Variants in CIMIP2C observed in about 807,000 individuals in gnomAD.
The protein encoded by CIMIP2C is ciliary microtubule inner protein 2C.
the CIMIP2C span, among the ~76,000 whole-genome samples, chr2:26,567,248 T>C: frequency 3.3e-5 from 5 of 152,272 alleles, no homozygotes; most frequent in Admixed American, 6.5e-5. Context: ...GTGGAGATAA[T>C]TGAATCATGG....
the CIMIP2C span, chr2:26,562,593 G>T: frequency 6.4e-7 from 1 of 1,562,286 alleles, no homozygotes; most frequent in South Asian, 1.2e-5. Context: ...CGCCAGGCTC[G>T]CTGTACTCGC....
At chr2:26,570,136 G>T in the CIMIP2C span, among the ~76,000 whole-genome samples, 1 of 152,212 alleles carries the variant, frequency 6.6e-6, no homozygotes, top group Non-Finnish European at 1.5e-5. Flanking sequence ...CGGAGGAGAG[G>T]GCTTCTATTC....
At chr2:26,577,584 G>C in the CIMIP2C span, 68 of 1,614,098 alleles carry the variant, frequency 4.2e-5, 1 homozygote, top group African/African-American at 8.4e-4. Context: ...CCTACTTTGC[G>C]ATGCCCGTGA....
the CIMIP2C span, chr2:26,579,393 A>G: frequency 5.0e-6 from 8 of 1,614,046 alleles, no homozygotes; most frequent in Non-Finnish European, 6.8e-6. Context: ...GGGTCTCTCC[A>G]CAGGAGCGGA....
chr2:26,574,220 G>T, the CIMIP2C span, among the ~76,000 whole-genome samples: 1 of 152,196 alleles, frequency 6.6e-6, no homozygotes. Flanking sequence ...AGATGGCCTC[G>T]AATGCCACGC....
the CIMIP2C span, chr2:26,562,640 C>G: frequency 6.3e-7 from 1 of 1,587,410 alleles, no homozygotes; most frequent in Non-Finnish European, 8.6e-7. Context: ...GGGCACCCTA[C>G]TGACCGAGTT....
At chr2:26,572,439 G>A in the CIMIP2C span, among the ~76,000 whole-genome samples, 1 of 150,436 alleles carries the variant, frequency 6.6e-6, no homozygotes, top group African/African-American at 2.4e-5. Flanking sequence ...GGGTGCTTTA[G>A]TTGCTGAGCC....
the CIMIP2C span, among the ~76,000 whole-genome samples, chr2:26,572,707 G>A: frequency 6.6e-6 from 1 of 152,204 alleles, no homozygotes. Flanking sequence ...GCCTCAGAAT[G>A]AGACAGGCGC....
At chr2:26,577,785 G>A in the CIMIP2C span, 3 of 579,764 alleles carry the variant, frequency 5.2e-6, no homozygotes, top group African/African-American at 1.9e-5. Flanking sequence ...GAGCAAGGGG[G>A]TCAGGGCATT....
the CIMIP2C span, among the ~76,000 whole-genome samples, chr2:26,570,664 A>G: frequency 6.6e-6 from 1 of 152,316 alleles, no homozygotes; most frequent in Non-Finnish European, 1.5e-5. Context: ...ATTCCATGCA[A>G]AGGCCCAGAG....
the CIMIP2C span, among the ~76,000 whole-genome samples, chr2:26,565,097 T>C: frequency 1.4e-5 from 2 of 140,144 alleles, no homozygotes; most frequent in East Asian, 2.4e-4. Flanking sequence ...CCCCTACCCC[T>C]TCTTCTTTTT....
At chr2:26,573,381 G>A in the CIMIP2C span, among the ~76,000 whole-genome samples, 1 of 143,690 alleles carries the variant, frequency 7.0e-6, no homozygotes, top group Non-Finnish European at 1.5e-5. Flanking sequence ...CACGGCTCAT[G>A]CCCACTTACA....
At chr2:26,566,414 C>G in the CIMIP2C span, among the ~76,000 whole-genome samples, 1 of 152,324 alleles carries the variant, frequency 6.6e-6, no homozygotes, top group East Asian at 1.9e-4. Flanking sequence ...AATCCCTGTA[C>G]AGCAAACACA....
At chr2:26,575,770 C>T in the CIMIP2C span, 72 of 1,122,356 alleles carry the variant, frequency 6.4e-5, no homozygotes, top group Non-Finnish European at 8.1e-5. Flanking sequence ...GTGTTCTTCC[C>T]TCCTCAGCTT....
the CIMIP2C span, chr2:26,577,515 G>C: frequency 6.2e-7 from 1 of 1,612,316 alleles, no homozygotes. Flanking sequence ...TTGAACCATA[G>C]ATGGTCCAGC....
chr2:26,568,087 C>T, the CIMIP2C span, among the ~76,000 whole-genome samples: 3 of 152,328 alleles, frequency 2.0e-5, no homozygotes, highest in East Asian at 1.9e-4. Flanking sequence ...GCACTACTTT[C>T]GTTGTTCGGT....
chr2:26,567,217 A>C, the CIMIP2C span, among the ~76,000 whole-genome samples: 1 of 152,154 alleles, frequency 6.6e-6, no homozygotes, highest in African/African-American at 2.4e-5. Flanking sequence ...CATAATCCCC[A>C]CATGTCACAA....
the CIMIP2C span, among the ~76,000 whole-genome samples, chr2:26,565,237 C>T: frequency 5.3e-5 from 8 of 152,064 alleles, no homozygotes; most frequent in South Asian, 2.1e-4. Context: ...ATTACAGGCA[C>T]GCGCCACCAC....
chr2:26,576,242 T>G, the CIMIP2C span: 2 of 1,547,004 alleles, frequency 1.3e-6, no homozygotes, highest in Non-Finnish European at 1.7e-6. Context: ...GGGAAGGGAG[T>G]GATGGCCAGG....
Sources: allele counts gnomAD v4.1 joint callset (sites outside exome capture counted in the v4.1 genomes callset), GRCh38; gene constraint gnomAD v4.1.1; transcripts MANE v1.5; gene names NCBI Gene and HGNC (gene_info 2026-07-23, HGNC 2026-07-21).